The following NOTCH2 variants were observed in gnomAD, a reference collection of about 807,000 sequenced individuals.
NOTCH2 encodes the protein neurogenic locus notch homolog protein 2.
NOTCH2 carries 29 observed loss-of-function variants against 235.8 expected under a neutral mutation model. The ratio of observed to expected loss-of-function variants is 0.12; its 90% CI spans 0.09 to 0.17. NOTCH2 has a LOEUF of 0.17. NOTCH2 is among the 10% of genes least tolerant of loss of function. NOTCH2 has a pLI of 1.00. For missense variants in NOTCH2, 2,285 were observed against 3,150.2 expected (o/e 0.73, Z 6.57); for synonymous variants, 1,086 against 1,141.5 (o/e 0.95, Z 0.98).
intron 17 of NOTCH2, among the ~76,000 whole-genome samples, chr1:119,944,283 C>T (rs1553196802): frequency 6.6e-6 from 1 of 152,032 alleles, no homozygotes; most frequent in African/African-American, 2.4e-5. Flanking sequence ...ACGCTGTAAT[C>T]CCAGCACTTT....
chr1:119,925,565 G>A lies in NOTCH2; in HGVS notation c.4251C>T (p.Pro1417=), dbSNP rs753529430. The part of the protein sequence containing the change: ...SGSRCELYTA[P]PSTPPATCLS... ...GACAGGTGGCAGGAGGGGTGCTGGG[G>A]GGTGCCGTGTAGAGTTCACAGCGGC... The change falls in exon 25 of 34, where the codon CCC becomes CCT. Residue 1417 remains proline (P), a synonymous_variant. Transcript: ENST00000256646. 1.9e-6 allele frequency: 3 copies of A among 1,614,158 alleles called. No individual in the cohort carries two copies. The South Asian group carries it at 3.3e-5, about 18-fold the overall frequency.
chr1:119,971,143 A>G (rs782049418), intron 5 of NOTCH2, among the ~76,000 whole-genome samples: 48 of 152,338 alleles, frequency 3.2e-4, no homozygotes, highest in Non-Finnish European at 1.2e-4. Flanking sequence ...CCATTACTAT[A>G]GAACCAATAT....
In NOTCH2 at chr1:120,069,414, GTCGCCTCC is replaced by G; in HGVS notation, c.-16_-9del. 1 of 1,542,252 alleles carries G rather than the reference GTCGCCTCC, an allele frequency of 6.5e-7. No individual in the cohort carries two copies. Among genetic ancestry groups the G allele is most frequent in the Non-Finnish European group, 8.7e-7 (1 of 1,152,046 alleles). On this transcript the variant is annotated 5_prime_UTR_variant, in exon 1 of 34. Coordinates refer to ENST00000256646, the MANE Select transcript of NOTCH2 (RefSeq NM_024408.4). ...GGGGCGCAGGGCGGGCATCTTCTCG[GTCGCCTCC>G]TCCTCCGCCGCCGCCGCCGCCGCCT...
At chr1:119,981,431 G>A (rs782086145) in intron 5 of NOTCH2, among the ~76,000 whole-genome samples, 2 of 152,108 alleles carry the variant, frequency 1.3e-5, no homozygotes, top group Non-Finnish European at 2.9e-5. Context: ...TATATTCCAT[G>A]TAGTAGTTGT....
intron 11 of NOTCH2, among the ~76,000 whole-genome samples, chr1:119,960,680 TC>T (rs1650901655): frequency 6.6e-6 from 1 of 151,954 alleles, no homozygotes; most frequent in Admixed American, 6.6e-5. Context: ...TGTTTTTCTT[TC>T]TTTTTTTTCA....
Position 119,968,062 on chromosome 1 carries a change from G to T in NOTCH2, c.1264+15C>A. ...ACAGACACTTCACAGAACAGAAAAAGTTCTGCTTACTCACCCATGGCACAT... is the reference window on the plus strand; with the variant it reads ...ACAGACACTTCACAGAACAGAAAAATTTCTGCTTACTCACCCATGGCACAT... On this transcript the variant is annotated intron_variant, in intron 7 of 33. Transcript: ENST00000256646. 7.4e-6 allele frequency: 12 copies of T among 1,613,948 alleles called. No individual in the cohort carries two copies. The highest frequency in any genetic ancestry group is 1.0e-5 in the Non-Finnish European group (12 of 1,179,872).
Position 119,995,860 on chromosome 1 carries a change from G to T in NOTCH2, c.751+1137C>A, listed in dbSNP as rs587767880. 2.0e-5 allele frequency: 3 copies of T among 152,302 alleles called. No homozygotes were observed. In the East Asian group the frequency reaches 5.8e-4, roughly 29 times the overall value. The allele number at this position is 152,302 out of a possible 1,614,324, so 9.4% of individuals were successfully genotyped here. A position where few individuals can be genotyped will look rare whatever the true frequency, so the allele number is the denominator to read the frequency against. ...ACCAAATGAAATGAATAAATTACCA[G>T]TTGATTTTATACTGAGGACCAACCT... On this transcript the variant is annotated intron_variant, in intron 4 of 33. Transcript: ENST00000256646.
At chr1:119,972,258 C>G (rs931472863) in intron 5 of NOTCH2, among the ~76,000 whole-genome samples, 3 of 152,102 alleles carry the variant, frequency 2.0e-5, no homozygotes, top group Non-Finnish European at 4.4e-5. Context: ...AGAAACTTTG[C>G]TGTCTTATAG....
At chr1:120,012,066 T>C (rs1553207034) in intron 2 of NOTCH2, among the ~76,000 whole-genome samples, 1 of 135,254 alleles carries the variant, frequency 7.4e-6, no homozygotes, top group East Asian at 2.1e-4. Context: ...AGAGGCAGGA[T>C]TCAAACCCAA....
rs370013871 is a variant in NOTCH2, at chr1:119,929,259, T to C, written c.3656-47A>G. 22 of 1,522,428 alleles carry C rather than the reference T, an allele frequency of 1.4e-5. No individual in the cohort carries two copies. The African/African-American group carries it at 2.3e-4, about 16-fold the overall frequency. 94.3% of individuals were successfully genotyped at this position (1,522,428 alleles called of 1,614,324 possible). ...CAGAATTATGAAAATCCTTTTAACC[T>C]GCTTTCCAGCAAGGGATAACCACCC... On this transcript the variant is annotated intron_variant, in intron 22 of 33. Coordinates refer to ENST00000256646, the MANE Select transcript of NOTCH2 (RefSeq NM_024408.4).
intron 23 of NOTCH2, 41 bp from the exon 24 acceptor site, chr1:119,926,652 G>A: frequency 6.7e-7 from 1 of 1,499,612 alleles, no homozygotes; most frequent in Non-Finnish European, 9.1e-7. Flanking sequence ...AAAGGCAGAA[G>A]TAGTCACTGC....
At chr1:119,926,995 T>G (rs1570665236) in intron 23 of NOTCH2, among the ~76,000 whole-genome samples, 1 of 152,248 alleles carries the variant, frequency 6.6e-6, no homozygotes, top group Non-Finnish European at 1.5e-5. Context: ...TAATGTTATC[T>G]ACTTCATAGG....
chr1:119,967,731 T>G, intron 7 of NOTCH2, 110 bp from the exon 8 acceptor site: 1 of 928,366 alleles, frequency 1.1e-6, no homozygotes, highest in Admixed American at 2.0e-5. Flanking sequence ...CCTTCAATAA[T>G]ATCATTCCCA....
At chr1:119,979,845 C>G (rs1553201438) in intron 5 of NOTCH2, among the ~76,000 whole-genome samples, 1 of 152,016 alleles carries the variant, frequency 6.6e-6, no homozygotes, top group Non-Finnish European at 1.5e-5. Flanking sequence ...GAGAAGTATG[C>G]TAATTCCTCA....
intron 23 of NOTCH2, among the ~76,000 whole-genome samples, chr1:119,927,497 C>T (rs587758046): frequency 1.3e-5 from 2 of 152,094 alleles, no homozygotes; most frequent in East Asian, 3.9e-4. Flanking sequence ...CAGCATCCCA[C>T]AATAACTGTG....
chr1:119,950,960 A>C, intron 14 of NOTCH2, 123 bp from the exon 15 acceptor site: 1 of 731,142 alleles, frequency 1.4e-6, no homozygotes, highest in Non-Finnish European at 2.5e-6. Context: ...TCTTCAGGCC[A>C]CTGAAATACC....
chr1:120,012,725 TA>T (rs756126189), intron 2 of NOTCH2, among the ~76,000 whole-genome samples: 213 of 152,336 alleles, frequency 1.4e-3, no homozygotes, highest in Non-Finnish European at 2.2e-3. Context: ...GTTTTACAAA[TA>T]TATCCCTATC....
rs1649893696 is a variant in NOTCH2 at position 119,937,344 on chromosome 1, C to T, written c.3460G>A (p.Ala1154Thr). ...GCCCCGTGCTGGCAGGGGTTGGACG[C>T]ACACTCATCGAGTTGCTCCTCACAG... Reference protein sequence around the residue: ...SYCEEQLDECASNPCQHGATC... With the variant: ...SYCEEQLDECTSNPCQHGATC... The change falls in exon 21 of 34, where the codon GCG (alanine) becomes ACG (threonine). Residue 1154 changes from alanine (A) to threonine (T), a missense_variant. Around this residue, in one of 6 missense-constraint regions of NOTCH2, gnomAD observed 1,173 missense variants for 1,515.3 expected, o/e 0.77. Transcript: ENST00000256646. The T allele has an allele frequency of 3.1e-6, 5 of 1,614,130 alleles. No individual in the cohort carries two copies. The highest frequency in any genetic ancestry group is 1.7e-4 in the Middle Eastern group (1 of 5,970).
At chr1:119,918,376 A>G in intron 32 of NOTCH2, 30 bp downstream of exon 32, 1 of 1,612,910 alleles carries the variant, frequency 6.2e-7, no homozygotes, top group Non-Finnish European at 8.5e-7. Context: ...TTTGCAGGTA[A>G]GAATCCAAAT....
Sources: gnomAD v4.1 joint callset for allele counts (sites outside exome capture counted in the v4.1 genomes callset) on GRCh38, gnomAD v4.1.1 for gene constraint, gnomAD v4.1.1 regional missense constraint, MANE v1.5 for transcripts, NCBI Gene and HGNC (gene_info 2026-07-23, HGNC 2026-07-21) for gene names.